AHCTF1: variants seen among roughly 807,000 people sequenced by gnomAD.
AHCTF1 encodes AT-hook containing transcription factor 1, also known as protein ELYS.
Under a neutral mutation model 248.4 loss-of-function variants are expected in AHCTF1, and 24 were observed. That is an observed-to-expected ratio of 0.10 (90% confidence interval 0.07 to 0.14). The LOEUF is 0.14. Ranked by LOEUF, AHCTF1 falls within the 10% of genes least tolerant of loss-of-function variation. The pLI is 1.00. For synonymous variants in AHCTF1, 786 were observed against 929.8 expected, an observed-to-expected ratio of 0.85 and a Z score of 2.81; for missense variants, 2,206 against 2,636.2, an observed-to-expected ratio of 0.84 and a Z score of 3.57.
chr1:246,921,201 AT>A (rs1487528614), intron 1 of AHCTF1, among the ~76,000 whole-genome samples: 1 of 152,340 alleles, frequency 6.6e-6, no homozygotes. Flanking sequence ...TTGCTTAAGG[AT>A]GCAAACATGA....
Position 246,888,228 on chromosome 1 carries a change from T to C in AHCTF1, c.2274A>G (p.Val758=). The change falls in exon 19 of 36, where the codon GTA becomes GTG. Residue 758 remains valine (V), a synonymous_variant. Coordinates refer to ENST00000648844, the MANE Select transcript of AHCTF1 (RefSeq NM_001323342.2). ...CGCCGTCTAATAGGTACATATCAAG[T>C]ACTGCCTATAAAACAAAGGGATAAA... The part of the protein sequence containing the change: ...GKYPPASLHA[V]LDMYLLDGVT... 1.9e-6 allele frequency: 3 copies of C among 1,614,070 alleles called. No individual in the cohort carries two copies. Among genetic ancestry groups the C allele is most frequent in the South Asian group, 1.1e-5 (1 of 91,076 alleles).
At chr1:246,918,424 C>T in intron 1 of AHCTF1, 47 bp from the exon 2 acceptor site, 5 of 1,520,150 alleles carry the variant, frequency 3.3e-6, no homozygotes, top group Middle Eastern at 3.5e-4. Context: ...CATTTGTAGA[C>T]AATATACTTG....
intron 12 of AHCTF1, among the ~76,000 whole-genome samples, chr1:246,897,610 T>C (rs1461808462): frequency 1.3e-5 from 2 of 152,246 alleles, no homozygotes; most frequent in Admixed American, 6.5e-5. Context: ...AGCATGTTAC[T>C]GTGCTGAATA....
At chr1:246,841,440 C>A (rs546867513) in intron 35 of AHCTF1, among the ~76,000 whole-genome samples, 2 of 152,200 alleles carry the variant, frequency 1.3e-5, no homozygotes, top group South Asian at 4.1e-4. Context: ...CACATAGATA[C>A]GCCAGTTTAT....
intron 1 of AHCTF1, 121 bp from the exon 2 acceptor site, chr1:246,918,498 T>G: frequency 9.8e-7 from 1 of 1,022,138 alleles, no homozygotes; most frequent in South Asian, 2.2e-5. Flanking sequence ...TAAAATCTGG[T>G]TACAAAATAC....
intron 16 of AHCTF1, among the ~76,000 whole-genome samples, chr1:246,890,353 A>C (rs1294573402): frequency 6.6e-6 from 1 of 152,178 alleles, no homozygotes; most frequent in Non-Finnish European, 1.5e-5. Flanking sequence ...AGAAATGTTC[A>C]CTACAAATCA....
chr1:246,865,195 G>C (rs542651331), intron 26 of AHCTF1: 11 of 152,270 alleles, frequency 7.2e-5, no homozygotes, highest in African/African-American at 2.6e-4. Flanking sequence ...TCTTATGGTT[G>C]TATTTCCTAG....
At chr1:246,931,522 C>A (rs1192783677) in intron 1 of AHCTF1, 56 bp downstream of exon 1, 2 of 359,782 alleles carry the variant, frequency 5.6e-6, no homozygotes, top group Non-Finnish European at 7.7e-6. Context: ...CGGGTCCAGG[C>A]CGCGCGACCC....
At position 246,869,664 on chromosome 1, in the gene AHCTF1, A is replaced by C. The variant is rs1217860593; in HGVS notation, c.3089-1853T>G. On this transcript the variant is annotated intron_variant, in intron 24 of 35. Coordinates refer to ENST00000648844, the MANE Select transcript of AHCTF1 (RefSeq NM_001323342.2). Reference sequence around the variant, plus strand: ...AGCCTAGATGAAAACACATCTGTTGACAGCATGGTTTACCGAATATTTTAA... The same window carrying C: ...AGCCTAGATGAAAACACATCTGTTGCCAGCATGGTTTACCGAATATTTTAA... Among the ~76,000 whole-genome samples the C allele has an allele frequency of 5.9e-5, 9 of 152,206 alleles. No homozygotes were observed. The East Asian group carries it at 1.7e-3, about 29-fold the overall frequency.
intron 27 of AHCTF1, 71 bp from the exon 28 acceptor site, chr1:246,862,224 T>A: frequency 8.3e-7 from 1 of 1,200,798 alleles, no homozygotes; most frequent in Non-Finnish European, 1.2e-6. Flanking sequence ...CTCACGCCTG[T>A]AATCCCTGCA....
intron 1 of AHCTF1, among the ~76,000 whole-genome samples, chr1:246,928,882 T>C (rs1285489589): frequency 6.6e-6 from 1 of 152,356 alleles, no homozygotes. Flanking sequence ...CAGAAATTTC[T>C]TACCAACTTA....
In AHCTF1 at chr1:246,909,184, G is replaced by A. The variant is rs578211073; in HGVS notation, c.557-1426C>T. Among the ~76,000 whole-genome samples, 22 of 149,316 alleles carry A rather than the reference G, an allele frequency of 1.5e-4. 1 individual carries two copies. The South Asian group carries it at 4.0e-3, about 27-fold the overall frequency. ...CCCAGCACTTTGGGAGGCTGAGGCAGGCAGATCATGAAGTCAGGAGTTCAA... is the reference window on the plus strand; with the variant it reads ...CCCAGCACTTTGGGAGGCTGAGGCAAGCAGATCATGAAGTCAGGAGTTCAA... On this transcript the variant is annotated intron_variant, in intron 4 of 35. Transcript: ENST00000648844.
chr1:246,891,688 A>T lies in AHCTF1; in HGVS notation c.1945+91T>A, dbSNP rs1664214746. 3 of 1,346,280 alleles carry T rather than the reference A, an allele frequency of 2.2e-6. No homozygotes were observed. In the South Asian group the frequency reaches 4.0e-5, roughly 18 times the overall value. 83.4% of individuals were successfully genotyped at this position (1,346,280 alleles called of 1,614,324 possible). ...GAAATAAAGTCCTCTTTACATAATG[A>T]TCCATCTAAGACATGGGAAATGTTA... is the stretch of plus-strand genomic sequence containing the variant. On this transcript the variant is annotated intron_variant, in intron 15 of 35. Coordinates refer to ENST00000648844, the MANE Select transcript of AHCTF1 (RefSeq NM_001323342.2).
intron 1 of AHCTF1, among the ~76,000 whole-genome samples, chr1:246,919,944 T>C (rs1371680539): frequency 6.6e-6 from 1 of 150,904 alleles, no homozygotes; most frequent in African/African-American, 2.4e-5. Context: ...ATCGAGACCA[T>C]CCTGGACAAC....
intron 30 of AHCTF1, among the ~76,000 whole-genome samples, chr1:246,857,309 GA>G (rs1272275691): frequency 6.6e-6 from 1 of 151,622 alleles, no homozygotes; most frequent in Admixed American, 6.5e-5. Flanking sequence ...CAAATGGAAG[GA>G]AATAAAACTG....
At chr1:246,919,095 C>T (rs1294243691) in intron 1 of AHCTF1, among the ~76,000 whole-genome samples, 1 of 152,132 alleles carries the variant, frequency 6.6e-6, no homozygotes, top group Non-Finnish European at 1.5e-5. Flanking sequence ...ACCAAAAATA[C>T]TAGTTAAAAT....
At chr1:246,842,089 G>A (rs1291199026) in intron 35 of AHCTF1, among the ~76,000 whole-genome samples, 10 of 149,402 alleles carry the variant, frequency 6.7e-5, no homozygotes, top group Non-Finnish European at 1.2e-4. Flanking sequence ...CACCACGCCC[G>A]ACCTCCCATG....
chr1:246,916,502 ATAT>A, intron 2 of AHCTF1, 107 bp from the exon 3 acceptor site: 1 of 972,090 alleles, frequency 1.0e-6, no homozygotes. Flanking sequence ...AAAACTTTAC[ATAT>A]TATCTCCACA....
At chr1:246,901,256 G>A (rs951943882) in intron 8 of AHCTF1, among the ~76,000 whole-genome samples, 3 of 152,140 alleles carry the variant, frequency 2.0e-5, no homozygotes, top group Non-Finnish European at 2.9e-5. Context: ...TGGGAGGATC[G>A]CTTGAACCTG....
Sources: allele counts gnomAD v4.1 joint callset (sites outside exome capture counted in the v4.1 genomes callset), GRCh38; gene constraint gnomAD v4.1.1; transcripts MANE v1.5; gene names NCBI Gene and HGNC (gene_info 2026-07-23, HGNC 2026-07-21).